Variants in MRPL34 observed in about 807,000 individuals in gnomAD.
MRPL34 encodes large ribosomal subunit protein bL34m.
A neutral mutation model predicts 6.7 loss-of-function variants in MRPL34; 8 were observed. That is an observed-to-expected ratio of 1.20 (90% CI 0.70 to 2.16). The LOEUF is 2.16. MRPL34 is among the 30% of genes most tolerant of loss of function. The pLI, the probability that MRPL34 is intolerant of heterozygous loss-of-function variation, is 0.00. For synonymous variants in MRPL34, 59 were observed against 55.1 expected (o/e 1.07, Z -0.31); for missense variants, 146 against 125.5 (o/e 1.16, Z -0.78).
At chr19:17,301,160 G>A (rs765241379), upstream of MRPL34, 17 of 1,610,148 alleles carry the variant, frequency 1.1e-5, no homozygotes, top group Non-Finnish European at 1.4e-5. Context: ...CTCTTGGGGC[G>A]CCTGGCTCGC....
chr19:17,301,379 G>A (rs1260743268), upstream of MRPL34: 3 of 1,611,160 alleles, frequency 1.9e-6, no homozygotes, highest in Non-Finnish European at 1.7e-6. Flanking sequence ...GTGATCCGGC[G>A]CTGACAGCGG....
rs1419414570 is a variant in MRPL34, at chr19:17,306,091, AG to A, written c.66-73del. 2.7e-6 allele frequency: 4 copies of A among 1,489,738 alleles called. No individual in the cohort carries two copies. The African/African-American group carries it at 5.6e-5, about 21-fold the overall frequency. 92.3% of individuals were successfully genotyped at this position (1,489,738 alleles called of 1,614,324 possible). A position where few individuals can be genotyped will look rare whatever the true frequency, so the allele number is the denominator to read the frequency against. ...AGCCAGGCTCTGTCTCCGGGAGCCG[AG>A]GCTCAGAGAGGTTGAGCGCCAAGGT... On this transcript the variant is annotated intron_variant, in intron 1 of 1. Coordinates refer to ENST00000252602, the MANE Select transcript of MRPL34 (RefSeq NM_023937.4).
At chr19:17,297,302 T>C (rs1372935830) in intron 1 of MRPL34, among the ~76,000 whole-genome samples, 2 of 152,076 alleles carry the variant, frequency 1.3e-5, no homozygotes, top group African/African-American at 4.8e-5. Flanking sequence ...TTTGTTTTTT[T>C]GTTTTTTTCT....
rs2074144806 is a variant in MRPL34 at position 17,305,918 on chromosome 19, T to C, written c.26T>C (p.Leu9Ser). ...ATGGCTGTCTTGGCTGGATCCCTGT[T>C]GGGCCCCACGAGTAGGTCGGCAGCG... MAVLAGSL[L>S]GPTSRSAALL... Residue 9 changes from leucine (L) to serine (S), a missense_variant, in exon 1 of 2, where the codon TTG becomes TCG. Leu to Ser is a moderately radical substitution (Grantham distance 145). Transcript: ENST00000252602. The C allele has an allele frequency of 6.2e-7, 1 of 1,614,022 alleles. No individual in the cohort carries two copies. The highest frequency in any genetic ancestry group is 1.3e-5 in the African/African-American group (1 of 74,938).
At chr19:17,305,244 T>TC (rs992980365), upstream of MRPL34, among the ~76,000 whole-genome samples, 1 of 66,246 alleles carries the variant, frequency 1.5e-5, no homozygotes, top group African/African-American at 1.2e-4. Flanking sequence ...TTTCTTCCTT[T>TC]TTTTTTTTTT....
At chr19:17,305,247 T>G (rs1831904624), upstream of MRPL34, among the ~76,000 whole-genome samples, 1 of 149,558 alleles carries the variant, frequency 6.7e-6, no homozygotes, top group Admixed American at 6.6e-5. Context: ...CTTCCTTTTT[T>G]TTTTTTTTTT....
chr19:17,301,562 TG>T (rs761619410), upstream of MRPL34: 2 of 1,599,298 alleles, frequency 1.3e-6, no homozygotes, highest in South Asian at 1.1e-5. Context: ...CCCACGGCGT[TG>T]GGGGGCGTGC....
chr19:17,301,287 A>T (rs1462108934), upstream of MRPL34: 1 of 1,606,584 alleles, frequency 6.2e-7, no homozygotes, highest in South Asian at 1.1e-5. Context: ...GCGGCTCCCC[A>T]GAGCCATTCT....
upstream of MRPL34, chr19:17,305,825 T>C (rs1291802225): frequency 6.8e-7 from 1 of 1,478,996 alleles, no homozygotes; most frequent in Non-Finnish European, 9.5e-7. Context: ...TAATCCTTTG[T>C]TCCAGGGCTG....
At position 17,306,590 on chromosome 19, in the gene MRPL34, A is replaced by T; in HGVS notation, c.*211A>T. ...ATTTCGAACCTGCGCAACAGACCAA[A>T]GAACAGTACAAAGAACATCCGTGTA... On this transcript the variant is annotated 3_prime_UTR_variant, in exon 2 of 2. Transcript: ENST00000252602. 3.7e-6 allele frequency: 2 copies of T among 533,496 alleles called. No homozygotes were observed. Among genetic ancestry groups the T allele is most frequent in the Non-Finnish European group, 6.6e-6 (2 of 302,850 alleles). The allele number at this position is 533,496 out of a possible 1,614,324, so 33.0% of individuals were successfully genotyped here.
In MRPL34 at chr19:17,306,157, C is replaced by T. The variant is rs774773668; in HGVS notation, c.66-9C>T. On this transcript the variant is annotated splice_polypyrimidine_tract_variant and intron_variant, in intron 1 of 1. Coordinates refer to ENST00000252602, the MANE Select transcript of MRPL34 (RefSeq NM_023937.4). Reference sequence around the variant, plus strand: ...TCTGACCTTTCTCGCCGTCCCTCTACCCACGCAGGTGGCTCCAGCCCCGGG... The same window carrying T: ...TCTGACCTTTCTCGCCGTCCCTCTATCCACGCAGGTGGCTCCAGCCCCGGG... 41 of 1,517,838 alleles carry T rather than the reference C, an allele frequency of 2.7e-5. No individual in the cohort carries two copies. The highest frequency in any genetic ancestry group is 3.5e-5 in the Non-Finnish European group (40 of 1,135,278). 94.0% of individuals were successfully genotyped at this position (1,517,838 alleles called of 1,614,324 possible).
At position 17,295,090 on chromosome 19, in the gene MRPL34, A is replaced by ATTTTT. The variant is rs779607230; in HGVS notation, c.214+2258_214+2262dup. ...AGGCGCACACCACCACACCCAGGTAATTTTTTTTTTTTTTTTTTTTTTTTT... is the reference window on the plus strand; with the variant it reads ...AGGCGCACACCACCACACCCAGGTAATTTTTTTTTTTTTTTTTTTTTTTTTTTTTT... On this transcript the variant is annotated intron_variant, in intron 1 of 2. Coordinates refer to the MRPL34 transcript ENST00000595444. 4.9e-3 allele frequency among the ~76,000 whole-genome samples: 397 copies of ATTTTT among 80,402 alleles called. 47 individuals carry two copies. Among genetic ancestry groups the ATTTTT allele is most frequent in the Middle Eastern group, 0.014 (1 of 72 alleles). 52.7% of individuals were successfully genotyped at this position (80,402 alleles called of 152,430 possible).
chr19:17,298,906 A>G (rs775340254), upstream of MRPL34, among the ~76,000 whole-genome samples: 1 of 151,714 alleles, frequency 6.6e-6, no homozygotes, highest in Non-Finnish European at 1.5e-5. Flanking sequence ...ATGCCTGGTT[A>G]ATTTTTTGTA....
chr19:17,301,776 T>TTGTGTGTGTGTGTG (rs10679164), upstream of MRPL34, among the ~76,000 whole-genome samples: 95 of 147,458 alleles, frequency 6.4e-4, no homozygotes, highest in African/African-American at 2.2e-3. Flanking sequence ...ATTTTTTTGT[T>TTGTGTGTGTGTGTG]TGTGTGTGTG....
At chr19:17,300,065 C>T (rs189631217), upstream of MRPL34, among the ~76,000 whole-genome samples, 1 of 151,798 alleles carries the variant, frequency 6.6e-6, no homozygotes, top group African/African-American at 2.4e-5. Context: ...CCACCACACC[C>T]AGCTAATTTT....
chr19:17,294,473 T>TCTCCTTGG (rs761864032), intron 1 of MRPL34: 4 of 1,614,094 alleles, frequency 2.5e-6, no homozygotes, highest in Non-Finnish European at 3.4e-6. Flanking sequence ...AACAGCTGCT[T>TCTCCTTGG]CTCCTTGGCT....
chr19:17,301,499 G>A (rs776077620), upstream of MRPL34: 1 of 1,611,864 alleles, frequency 6.2e-7, no homozygotes, highest in African/African-American at 1.3e-5. Context: ...ACGCGGCCGG[G>A]CTTGACCTCT....
chr19:17,301,041 C>T (rs760040334), upstream of MRPL34: 1 of 1,613,528 alleles, frequency 6.2e-7, no homozygotes, highest in Non-Finnish European at 8.5e-7. Flanking sequence ...CCAGCTGCTC[C>T]TTCCAGATGG....
chr19:17,294,830 T>C, intron 1 of MRPL34: 1 of 1,614,082 alleles, frequency 6.2e-7, no homozygotes, highest in Non-Finnish European at 8.5e-7. Context: ...GTGCCAGGAA[T>C]GTGCAGAAAG....
Sources: gnomAD v4.1 joint callset for allele counts (sites outside exome capture counted in the v4.1 genomes callset) on GRCh38, gnomAD v4.1.1 for gene constraint, MANE v1.5 for transcripts, NCBI Gene and HGNC (gene_info 2026-07-23, HGNC 2026-07-21) for gene names.